The following GOLM2 variants were observed in gnomAD, a reference collection of about 807,000 sequenced individuals.
The protein encoded by GOLM2 is golgi membrane protein 2, also known as protein GOLM2.
A neutral mutation model predicts 55.9 loss-of-function variants in GOLM2; 26 were observed. The ratio of observed to expected loss-of-function variants is 0.47; its 90% CI spans 0.34 to 0.65. The LOEUF (loss-of-function observed/expected upper bound fraction) is 0.65. Ranked by LOEUF, GOLM2 falls within the 30% of genes least tolerant of loss-of-function variation. GOLM2 has a pLI of 0.01. For synonymous variants in GOLM2, 165 were observed against 194.6 expected (o/e 0.85, Z 1.27); for missense variants, 486 against 531.8 (o/e 0.91, Z 0.85).
At chr15:44,358,577 G>A (rs1393828567) in intron 6 of GOLM2, among the ~76,000 whole-genome samples, 1 of 152,072 alleles carries the variant, frequency 6.6e-6, no homozygotes, top group Non-Finnish European at 1.5e-5. Context: ...TAGTCAACTG[G>A]TCTTTGACAA....
Position 44,415,558 on chromosome 15 carries a change from A to G in GOLM2, c.*2152A>G, listed in dbSNP as rs2079668253. ...CTGACTGTATTAATATTTTAGTGCT[A>G]TAAAATACTATGTGAATCTCTTAAA... On this transcript the variant is annotated 3_prime_UTR_variant, in exon 10 of 10. Transcript: ENST00000299957. The G allele has an allele frequency of 6.6e-6, 1 of 152,654 alleles. No homozygotes were observed. Among genetic ancestry groups the G allele is most frequent in the African/African-American group, 2.4e-5 (1 of 41,454 alleles). The allele number at this position is 152,654 out of a possible 1,614,324, so 9.5% of individuals were successfully genotyped here. A position where few individuals can be genotyped will look rare whatever the true frequency, so the allele number is the denominator to read the frequency against.
chr15:44,381,029 T>A, intron 8 of GOLM2, 53 bp downstream of exon 8: 1 of 1,115,536 alleles, frequency 9.0e-7, no homozygotes, highest in Non-Finnish European at 1.2e-6. Flanking sequence ...AAATGTAATA[T>A]GAATTAAGGT....
At chr15:44,342,816 A>G (rs1478907703) in intron 6 of GOLM2, among the ~76,000 whole-genome samples, 2 of 152,192 alleles carry the variant, frequency 1.3e-5, no homozygotes, top group Non-Finnish European at 2.9e-5. Context: ...GTAAATGTGT[A>G]TGGTTGAATT....
intron 8 of GOLM2, among the ~76,000 whole-genome samples, chr15:44,384,719 C>T (rs867288901): frequency 1.3e-5 from 2 of 151,536 alleles, no homozygotes; most frequent in African/African-American, 4.9e-5. Context: ...TGCACTCCAG[C>T]CTGGGCGACA....
At chr15:44,399,575 A>C (rs2079551536) in intron 8 of GOLM2, among the ~76,000 whole-genome samples, 1 of 152,204 alleles carries the variant, frequency 6.6e-6, no homozygotes. Context: ...TTCTGTTGGA[A>C]TATTATAACA....
chr15:44,391,170 CTG>C (rs1462865275), intron 8 of GOLM2, among the ~76,000 whole-genome samples: 3 of 152,068 alleles, frequency 2.0e-5, no homozygotes, highest in African/African-American at 7.2e-5. Flanking sequence ...TTCAGGGTCA[CTG>C]TATGAAATCA....
intron 1 of GOLM2, chr15:44,308,563 C>G (rs889142670): frequency 6.6e-6 from 1 of 151,954 alleles, no homozygotes. Context: ...GGTTTCACTT[C>G]TTTTATGTCT....
At chr15:44,394,755 G>A (rs1441782304) in intron 8 of GOLM2, among the ~76,000 whole-genome samples, 1 of 152,094 alleles carries the variant, frequency 6.6e-6, no homozygotes, top group African/African-American at 2.4e-5. Flanking sequence ...AAGTCATCAC[G>A]TGTCATTTAC....
intron 1 of GOLM2, among the ~76,000 whole-genome samples, chr15:44,298,899 C>T (rs1360747896): frequency 6.6e-6 from 1 of 151,936 alleles, no homozygotes; most frequent in Non-Finnish European, 1.5e-5. Context: ...TTAGGGTGGC[C>T]CCTATTCCAT....
chr15:44,302,324 T>C (rs535193493), intron 1 of GOLM2, among the ~76,000 whole-genome samples: 1 of 151,576 alleles, frequency 6.6e-6, no homozygotes, highest in South Asian at 2.1e-4. Flanking sequence ...TTTGTATTTT[T>C]AGTAAAGACA....
chr15:44,319,071 T>C (rs2078931534), intron 1 of GOLM2, among the ~76,000 whole-genome samples: 1 of 152,198 alleles, frequency 6.6e-6, no homozygotes, highest in Admixed American at 6.5e-5. Context: ...TATTAAATCC[T>C]TCTATTAAGT....
chr15:44,356,969 A>C (rs1317355667), intron 6 of GOLM2, among the ~76,000 whole-genome samples: 1 of 152,134 alleles, frequency 6.6e-6, no homozygotes, highest in Non-Finnish European at 1.5e-5. Flanking sequence ...TCAGGAGTTC[A>C]AGACCAGTCT....
chr15:44,370,992 A>G (rs1595654440), intron 6 of GOLM2, among the ~76,000 whole-genome samples: 1 of 152,292 alleles, frequency 6.6e-6, no homozygotes, highest in East Asian at 1.9e-4. Context: ...TCTCAGCCCT[A>G]TAGGAGGAGC....
At chr15:44,412,957 C>A (rs573453024) in intron 9 of GOLM2, among the ~76,000 whole-genome samples, 6 of 150,988 alleles carry the variant, frequency 4.0e-5, no homozygotes, top group Admixed American at 3.3e-4. Context: ...GAGCCAAGAT[C>A]GCACCACTGC....
In GOLM2 at chr15:44,380,854, C is replaced by G; in HGVS notation, c.950C>G (p.Pro317Arg). 2 of 1,587,794 alleles carry G rather than the reference C, an allele frequency of 1.3e-6. No homozygotes were observed. Among genetic ancestry groups the G allele is most frequent in the Non-Finnish European group, 1.7e-6 (2 of 1,166,498 alleles). The change falls in exon 8 of 10, where the codon CCT becomes CGT. Residue 317 changes from proline (P) to arginine (R), a missense_variant. Physicochemically the swap from Pro to Arg is moderately radical, Grantham distance 103 (BLOSUM62 -2). Transcript: ENST00000299957. Reference sequence around the variant, plus strand: ...AACCCCGGTACTTCAAAACAGAATCCTTCCAGTCCTCTTCAGCGTTTAATT... The same window carrying G: ...AACCCCGGTACTTCAAAACAGAATCGTTCCAGTCCTCTTCAGCGTTTAATT... ...NGNPGTSKQN[P>R]SSPLQRLIPG...
chr15:44,311,420 A>G (rs2078874343), intron 1 of GOLM2, among the ~76,000 whole-genome samples: 1 of 151,958 alleles, frequency 6.6e-6, no homozygotes, highest in African/African-American at 2.4e-5. Flanking sequence ...TAGTGCCTGT[A>G]TTTTTCAAAT....
At chr15:44,290,159 A>C (rs553801935) in intron 1 of GOLM2, among the ~76,000 whole-genome samples, 3 of 152,248 alleles carry the variant, frequency 2.0e-5, no homozygotes, top group Non-Finnish European at 2.9e-5. Context: ...TTTTAAATAT[A>C]AAAAGTTTAA....
chr15:44,410,658 G>A (rs933339500), intron 9 of GOLM2, among the ~76,000 whole-genome samples: 1 of 151,350 alleles, frequency 6.6e-6, no homozygotes, highest in African/African-American at 2.4e-5. Context: ...CACTTCGGGA[G>A]GCTAAGGTGG....
At chr15:44,378,409 G>C (rs2079379371) in intron 6 of GOLM2, among the ~76,000 whole-genome samples, 1 of 147,676 alleles carries the variant, frequency 6.8e-6, no homozygotes, top group East Asian at 2.0e-4. Context: ...CCAGGCCGCA[G>C]TGCAGTGGCC....
Sources: gnomAD v4.1 joint callset for allele counts (sites outside exome capture counted in the v4.1 genomes callset) on GRCh38, gnomAD v4.1.1 for gene constraint, MANE v1.5 for transcripts, NCBI Gene and HGNC (gene_info 2026-07-23, HGNC 2026-07-21) for gene names.